KDM2A: variants seen among roughly 807,000 people sequenced by gnomAD.
The protein encoded by KDM2A is lysine-specific demethylase 2A.
KDM2A carries 3 observed loss-of-function variants against 137.3 expected under a neutral mutation model. The observed-to-expected ratio is 0.02, with a 90% confidence interval of 0.01 to 0.06. The LOEUF (loss-of-function observed/expected upper bound fraction) is 0.06, where lower values mean the gene tolerates loss of function less well. Ranked by LOEUF, KDM2A falls within the 10% of genes least tolerant of loss-of-function variation. The pLI, the probability that KDM2A is intolerant of heterozygous loss-of-function variation, is 1.00. For synonymous variants in KDM2A, 512 were observed against 541.5 expected (o/e 0.95, Z 0.76); for missense variants, 738 against 1,510.6 (o/e 0.49, Z 8.48).
At chr11:67,144,542 G>A (rs779940415) in intron 2 of KDM2A, among the ~76,000 whole-genome samples, 7 of 151,508 alleles carry the variant, frequency 4.6e-5, no homozygotes, top group East Asian at 1.9e-4. Flanking sequence ...GTGAGCCACC[G>A]TGCCCGGCCC....
chr11:67,166,882 G>C (rs1334635480), intron 2 of KDM2A, among the ~76,000 whole-genome samples: 1 of 152,070 alleles, frequency 6.6e-6, no homozygotes, highest in African/African-American at 2.4e-5. Context: ...TTTGAGACCA[G>C]CCTGGCCAAC....
intron 2 of KDM2A, among the ~76,000 whole-genome samples, chr11:67,175,730 G>A (rs780627012): frequency 6.6e-6 from 1 of 152,066 alleles, no homozygotes; most frequent in Non-Finnish European, 1.5e-5. Context: ...AATCCGTTAT[G>A]GTAGACCTAA....
At chr11:67,122,298 T>TA (rs1410637839) in intron 2 of KDM2A, among the ~76,000 whole-genome samples, 2 of 152,202 alleles carry the variant, frequency 1.3e-5, no homozygotes, top group Non-Finnish European at 1.5e-5. Flanking sequence ...TAGTGATCCT[T>TA]ACTCTTTTTG....
chr11:67,255,764 C>T lies in KDM2A; in HGVS notation c.*709C>T, dbSNP rs1859586928. 1 of 350,512 alleles carries T rather than the reference C, an allele frequency of 2.9e-6. No homozygotes were observed. The highest frequency in any genetic ancestry group is 2.1e-5 in the South Asian group (1 of 47,762). 21.7% of individuals were successfully genotyped at this position (350,512 alleles called of 1,614,324 possible). On this transcript the variant is annotated 3_prime_UTR_variant, in exon 21 of 21. Coordinates refer to ENST00000529006, the MANE Select transcript of KDM2A (RefSeq NM_012308.3). ...CTTATTGCACTTATTGGGGTTGAAG[C>T]TCTTCAGAGGAGCTGGAACTGTCTA...
At chr11:67,181,489 A>T in intron 4 of KDM2A, 91 bp downstream of exon 4, 1 of 758,478 alleles carries the variant, frequency 1.3e-6, no homozygotes, top group Non-Finnish European at 2.2e-6. Context: ...AACCCAAAAC[A>T]ATAGTAATTG....
intron 12 of KDM2A, among the ~76,000 whole-genome samples, chr11:67,233,303 G>C (rs1482189577): frequency 6.7e-6 from 1 of 148,646 alleles, no homozygotes; most frequent in East Asian, 2.2e-4. Context: ...AGGATCACCT[G>C]AGGTCAGGAG....
intron 5 of KDM2A, among the ~76,000 whole-genome samples, chr11:67,184,401 G>A (rs1007511882): frequency 6.6e-6 from 1 of 152,096 alleles, no homozygotes; most frequent in Non-Finnish European, 1.5e-5. Flanking sequence ...AGGCCGAGGC[G>A]GGCATATCAC....
rs745967441 is a variant in KDM2A at position 67,250,299 on chromosome 11, T to C, written c.2269T>C (p.Phe757Leu). 4 of 1,613,798 alleles carry C rather than the reference T, an allele frequency of 2.5e-6. No homozygotes were observed. The highest frequency in any genetic ancestry group is 1.7e-6 in the Non-Finnish European group (2 of 1,179,894). ...DHHSASRDERFKRRQLLRLQA... is the reference protein window; with the variant it reads ...DHHSASRDERLKRRQLLRLQA... ...CCACAGTGCCAGCCGCGATGAGCGC[T>C]TCAAACGGCGGCAGTTGCTGCGGCT... Residue 757 changes from phenylalanine to leucine, a missense_variant, in exon 17 of 21, where the codon TTC becomes CTC. Phe to Leu is a conservative substitution (Grantham distance 22, BLOSUM62 0). Around this residue, in one of 9 missense-constraint regions of KDM2A, gnomAD observed 244 missense variants for 324.6 expected, o/e 0.75. Coordinates refer to ENST00000529006, the MANE Select transcript of KDM2A (RefSeq NM_012308.3). The surrounding 1 kb of genome is among the most constrained non-coding windows in gnomAD (Gnocchi z 7.1).
intron 10 of KDM2A, among the ~76,000 whole-genome samples, chr11:67,224,617 G>A (rs953422955): frequency 4.0e-5 from 6 of 150,032 alleles, no homozygotes; most frequent in African/African-American, 1.5e-4. Flanking sequence ...ACAGGCACCC[G>A]CCACCAAGCC....
rs145849387 is a variant in KDM2A at position 67,151,673 on chromosome 11, T to C, written c.43-28406T>C. On this transcript the variant is annotated intron_variant, in intron 2 of 20. Transcript: ENST00000529006. ...GGCCTCAAATCCTGAAGACTTGGTA[T>C]GAAAAAAGGATTAAAATAGCCCCAT... 4.0e-3 allele frequency among the ~76,000 whole-genome samples: 607 copies of C among 152,196 alleles called. 1 individual carries two copies. The highest frequency in any genetic ancestry group is 0.013 in the African/African-American group (523 of 41,526).
chr11:67,256,505 A>G lies in KDM2A; in HGVS notation c.*1450A>G, dbSNP rs937044872. The G allele has an allele frequency of 6.5e-6, 1 of 152,690 alleles. No individual in the cohort carries two copies. Among genetic ancestry groups the G allele is most frequent in the Non-Finnish European group, 1.5e-5 (1 of 68,086 alleles). The allele number at this position is 152,690 out of a possible 1,614,324, so 9.5% of individuals were successfully genotyped here. On this transcript the variant is annotated 3_prime_UTR_variant, in exon 21 of 21. Transcript: ENST00000529006. The stretch of plus-strand genomic sequence containing the variant: ...GCTCCCCCTCTGTAAGGATACTGAT[A>G]GCACAACCTCTTCCCCCCACCCCGC...
intron 10 of KDM2A, among the ~76,000 whole-genome samples, chr11:67,220,078 A>G (rs1858297318): frequency 6.6e-6 from 1 of 151,462 alleles, no homozygotes; most frequent in East Asian, 1.9e-4. Context: ...TGTCACAGTC[A>G]TGGCTCACTG....
At chr11:67,135,209 CAG>C (rs2136287549) in intron 2 of KDM2A, among the ~76,000 whole-genome samples, 1 of 152,136 alleles carries the variant, frequency 6.6e-6, no homozygotes, top group South Asian at 2.1e-4. Flanking sequence ...GCTGGGATTA[CAG>C]GTATGCACCA....
At chr11:67,172,835 C>A (rs919152547) in intron 2 of KDM2A, among the ~76,000 whole-genome samples, 1 of 151,952 alleles carries the variant, frequency 6.6e-6, no homozygotes, top group Non-Finnish European at 1.5e-5. Flanking sequence ...ATATCTTTGT[C>A]TTGTTCCTAA....
At chr11:67,181,190 A>G (rs944686998) in intron 3 of KDM2A, 130 bp from the exon 4 acceptor site, 23 of 465,154 alleles carry the variant, frequency 4.9e-5, no homozygotes, top group Non-Finnish European at 7.5e-6. Flanking sequence ...TATTTTATTG[A>G]CTAACAGCAT....
intron 2 of KDM2A, among the ~76,000 whole-genome samples, chr11:67,173,509 G>C (rs1856919020): frequency 6.6e-6 from 1 of 151,920 alleles, no homozygotes. Flanking sequence ...AGCCTGTTTT[G>C]GCCTCCCATT....
At chr11:67,183,637 G>A (rs1857137557) in intron 5 of KDM2A, among the ~76,000 whole-genome samples, 2 of 152,202 alleles carry the variant, frequency 1.3e-5, no homozygotes, top group Admixed American at 6.5e-5. Flanking sequence ...CACAGTAACA[G>A]CTGCTCCATT....
chr11:67,141,342 T>C (rs1267212099), intron 2 of KDM2A, among the ~76,000 whole-genome samples: 1 of 151,988 alleles, frequency 6.6e-6, no homozygotes, highest in Admixed American at 6.6e-5. Context: ...ACATTTCAGG[T>C]CCTCCTCTCA....
intron 2 of KDM2A, chr11:67,131,951 G>T (rs1255356140): frequency 6.6e-6 from 1 of 152,064 alleles, no homozygotes; most frequent in Non-Finnish European, 1.5e-5. Flanking sequence ...TTAAATTTTA[G>T]GTTCTTGGGG....
Sources: gnomAD v4.1 joint callset for allele counts (sites outside exome capture counted in the v4.1 genomes callset) on GRCh38, gnomAD v4.1.1 for gene constraint, gnomAD v4.1.1 regional missense constraint, Gnocchi (gnomAD v3.1) non-coding constraint, MANE v1.5 for transcripts, NCBI Gene and HGNC (gene_info 2026-07-23, HGNC 2026-07-21) for gene names.